The following SIK2 variants were observed in gnomAD, a reference collection of about 807,000 sequenced individuals.
SIK2 encodes serine/threonine-protein kinase SIK2.
Under a neutral mutation model 103.2 loss-of-function variants are expected in SIK2, and 29 were observed. The observed-to-expected ratio is 0.28, with a 90% CI of 0.21 to 0.38. SIK2 has a LOEUF of 0.38. Among genes scored for constraint, SIK2 ranks in the 10% least tolerant of loss-of-function variants. The probability of loss-of-function intolerance (pLI) is 1.00; values close to 1 mark genes in which losing one functional copy is unlikely to be tolerated. For missense variants in SIK2, 879 were observed against 1,171.0 expected (o/e 0.75, Z 3.64); for synonymous variants, 412 against 446.1 (o/e 0.92, Z 0.96).
At chr11:111,687,699 G>A (rs931166646) in intron 3 of SIK2, among the ~76,000 whole-genome samples, 4 of 150,476 alleles carry the variant, frequency 2.7e-5, no homozygotes, top group Admixed American at 6.6e-5. Flanking sequence ...TCCACCTCCT[G>A]GGTTCACACC....
intron 8 of SIK2, among the ~76,000 whole-genome samples, chr11:111,707,801 C>T (rs1159290688): frequency 6.6e-6 from 1 of 152,102 alleles, no homozygotes; most frequent in Non-Finnish European, 1.5e-5. Context: ...CCAGTCAATA[C>T]AAAGATAACG....
chr11:111,718,171 A>G lies in SIK2; in HGVS notation c.1267-1604A>G, dbSNP rs557938885. 5.9e-5 allele frequency among the ~76,000 whole-genome samples: 9 copies of G among 152,340 alleles called. No individual in the cohort carries two copies. The South Asian group carries it at 1.9e-3, about 32-fold the overall frequency. On this transcript the variant is annotated intron_variant, in intron 9 of 14. Transcript: ENST00000304987. ...CCGTAAGTGTAAGGATGCTCAATAG[A>G]TAATTAATTAATGATCTTCTTTTCT... is the stretch of plus-strand genomic sequence containing the variant.
chr11:111,699,076 G>A (rs1383205985), intron 4 of SIK2, among the ~76,000 whole-genome samples: 2 of 152,186 alleles, frequency 1.3e-5, no homozygotes, highest in African/African-American at 4.8e-5. Context: ...GGAGTGGTTA[G>A]TCATAGAGGT....
chr11:111,707,748 G>C (rs578173848), intron 8 of SIK2, among the ~76,000 whole-genome samples: 2 of 152,202 alleles, frequency 1.3e-5, no homozygotes, highest in South Asian at 4.2e-4. Flanking sequence ...CAAATCACTT[G>C]TTTCTTGATA....
intron 9 of SIK2, among the ~76,000 whole-genome samples, chr11:111,713,832 T>G (rs1666238064): frequency 6.6e-6 from 1 of 151,554 alleles, no homozygotes; most frequent in East Asian, 1.9e-4. Context: ...CTTGGGGAGG[T>G]TGCGGGCGCC....
chr11:111,630,260 C>G (rs1004757417), intron 3 of SIK2, among the ~76,000 whole-genome samples: 2 of 152,100 alleles, frequency 1.3e-5, no homozygotes, highest in African/African-American at 2.4e-5. Flanking sequence ...ACGTGAAATT[C>G]TATAACAGTC....
intron 3 of SIK2, among the ~76,000 whole-genome samples, chr11:111,650,149 T>G (rs1565331584): frequency 6.6e-6 from 1 of 152,092 alleles, no homozygotes; most frequent in Non-Finnish European, 1.5e-5. Flanking sequence ...AAATACAGCT[T>G]AATATCCTTA....
chr11:111,712,025 T>C lies in SIK2; in HGVS notation c.1102-186T>C, dbSNP rs555559399. The stretch of plus-strand genomic sequence containing the variant: ...TACGACCTCTTTCAGAGTAACCGAT[T>C]GCTGAGTCTGCTTCAGATCACTGTC... On this transcript the variant is annotated intron_variant, in intron 8 of 14. Coordinates refer to ENST00000304987, the MANE Select transcript of SIK2 (RefSeq NM_015191.3). Among the ~76,000 whole-genome samples the C allele has an allele frequency of 3.3e-5, 5 of 152,382 alleles. No homozygotes were observed. In the South Asian group the frequency reaches 1.0e-3, roughly 32 times the overall value.
At chr11:111,690,580 A>C (rs1443560776) in intron 4 of SIK2, among the ~76,000 whole-genome samples, 1 of 152,004 alleles carries the variant, frequency 6.6e-6, no homozygotes, top group Non-Finnish European at 1.5e-5. Flanking sequence ...TGCATGGATT[A>C]GGTATTTGTC....
intron 12 of SIK2, among the ~76,000 whole-genome samples, chr11:111,721,498 A>G (rs776341123): frequency 1.3e-5 from 2 of 152,166 alleles, no homozygotes; most frequent in Non-Finnish European, 2.9e-5. Context: ...TACAATAAAT[A>G]CTGCTACTTA....
chr11:111,639,882 G>T (rs1440109901), intron 3 of SIK2, among the ~76,000 whole-genome samples: 1 of 152,168 alleles, frequency 6.6e-6, no homozygotes, highest in Non-Finnish European at 1.5e-5. Context: ...AGGAATGAAT[G>T]CTTCCTTTTT....
chr11:111,699,321 C>A (rs1362542120), intron 4 of SIK2, among the ~76,000 whole-genome samples: 1 of 152,180 alleles, frequency 6.6e-6, no homozygotes, highest in African/African-American at 2.4e-5. Flanking sequence ...TAAACTTTTT[C>A]TACCCCTCCT....
At chr11:111,662,814 G>A (rs1420335593) in intron 3 of SIK2, among the ~76,000 whole-genome samples, 1 of 152,056 alleles carries the variant, frequency 6.6e-6, no homozygotes, top group Non-Finnish European at 1.5e-5. Flanking sequence ...GGAGATCAAG[G>A]CTGCAGTGAG....
chr11:111,690,245 A>C (rs1229590476), intron 4 of SIK2, among the ~76,000 whole-genome samples: 1 of 150,190 alleles, frequency 6.7e-6, no homozygotes, highest in Non-Finnish European at 1.5e-5. Flanking sequence ...GGCTGCCCTA[A>C]AATTGTCTTT....
Position 111,602,986 on chromosome 11 carries a change from C to T in SIK2, c.135+288C>T, listed in dbSNP as rs1941604282. The stretch of plus-strand genomic sequence containing the variant: ...CCCGGTGGCCACCCGGAATTTCGCC[C>T]AGAGCCCCCCACCCGGGCCGTGACC... On this transcript the variant is annotated intron_variant, in intron 1 of 14. Coordinates refer to ENST00000304987, the MANE Select transcript of SIK2 (RefSeq NM_015191.3). This position sits in a 1 kb window ranked among gnomAD's most constrained non-coding sequence, Gnocchi z 4.5. Among the ~76,000 whole-genome samples, 2 of 152,054 alleles carry T rather than the reference C, an allele frequency of 1.3e-5. No homozygotes were observed. Among genetic ancestry groups the T allele is most frequent in the South Asian group, 4.1e-4 (2 of 4,820 alleles).
chr11:111,688,201 G>A lies in SIK2; in HGVS notation c.478+39G>A. The A allele has an allele frequency of 6.2e-7, 1 of 1,608,022 alleles. No individual in the cohort carries two copies. The highest frequency in any genetic ancestry group is 2.2e-5 in the East Asian group (1 of 44,826). ...AACTGGCTCTAATAAGATCCGAAGT[G>A]AGCCACTGCACTCAGTGTGTGGAAA... On this transcript the variant is annotated intron_variant, in intron 4 of 14. Transcript: ENST00000304987. This position sits in a 1 kb window ranked among gnomAD's most constrained non-coding sequence, Gnocchi z 4.2.
chr11:111,726,556 A>G lies in SIK2; in HGVS notation c.*2427A>G, dbSNP rs1187388431. On this transcript the variant is annotated 3_prime_UTR_variant, in exon 15 of 15. Transcript: ENST00000304987. ...TTTCAAGCAGAAATCAATAAATTCC[A>G]TAACCCTCTGTATTGACTGCAATGT... 1 of 171,792 alleles carries G rather than the reference A, an allele frequency of 5.8e-6. No homozygotes were observed. The highest frequency in any genetic ancestry group is 1.3e-5 in the Non-Finnish European group (1 of 79,950). The allele number at this position is 171,792 out of a possible 1,614,324, so 10.6% of individuals were successfully genotyped here.
chr11:111,668,751 T>A (rs1942583495), intron 3 of SIK2, among the ~76,000 whole-genome samples: 1 of 152,186 alleles, frequency 6.6e-6, no homozygotes, highest in Non-Finnish European at 1.5e-5. Context: ...AAGACAGAGA[T>A]GCAAAGATAA....
At chr11:111,669,215 TGAGA>T (rs982080781) in intron 3 of SIK2, among the ~76,000 whole-genome samples, 3 of 152,046 alleles carry the variant, frequency 2.0e-5, no homozygotes, top group African/African-American at 2.4e-5. Flanking sequence ...TTGGACAGGG[TGAGA>T]GAGAGAGTGT....
Sources: allele counts gnomAD v4.1 joint callset (sites outside exome capture counted in the v4.1 genomes callset), GRCh38; gene constraint gnomAD v4.1.1; non-coding constraint Gnocchi (gnomAD v3.1); transcripts MANE v1.5; gene names NCBI Gene and HGNC (gene_info 2026-07-23, HGNC 2026-07-21).